Variants in HMBOX1 observed in about 807,000 individuals in gnomAD.
The protein encoded by HMBOX1 is homeobox-containing protein 1.
In HMBOX1, 14 loss-of-function variants were observed where a neutral mutation model predicts 54.5. The ratio of observed to expected loss-of-function variants is 0.26; its 90% CI spans 0.17 to 0.40. HMBOX1 has a LOEUF of 0.40. Among genes scored for constraint, HMBOX1 ranks in the 10% least tolerant of loss-of-function variants. The probability of loss-of-function intolerance (pLI) is 1.00; values close to 1 mark genes in which losing one functional copy is unlikely to be tolerated. For synonymous variants in HMBOX1, 160 were observed against 181.0 expected (o/e 0.88, Z 0.93); for missense variants, 332 against 514.4 (o/e 0.65, Z 3.43).
intron 5 of HMBOX1, among the ~76,000 whole-genome samples, chr8:29,017,733 A>G (rs1835245772): frequency 6.6e-6 from 1 of 152,212 alleles, no homozygotes; most frequent in African/African-American, 2.4e-5. Context: ...GTGTAAGAGA[A>G]TACATCTAAA....
chr8:29,024,474 C>G (rs776196637), intron 6 of HMBOX1, among the ~76,000 whole-genome samples: 1 of 151,940 alleles, frequency 6.6e-6, no homozygotes, highest in South Asian at 2.1e-4. Context: ...TAGATAATAG[C>G]GGTAGGAGTG....
At chr8:28,954,709 A>G (rs866325031) in intron 1 of HMBOX1, among the ~76,000 whole-genome samples, 1 of 152,196 alleles carries the variant, frequency 6.6e-6, no homozygotes, top group Admixed American at 6.5e-5. Context: ...TGTCACAACA[A>G]TTATACTGCT....
rs144531379 is a variant in HMBOX1 at position 28,991,272 on chromosome 8, C to T, written c.586+11116C>T. Among the ~76,000 whole-genome samples, 36 of 152,314 alleles carry T rather than the reference C, an allele frequency of 2.4e-4. 1 individual carries two copies. The highest frequency in any genetic ancestry group is 8.2e-4 in the African/African-American group (34 of 41,574). ...CAGCACTTTTCTACATGATTTTACT[C>T]ATGGCAGGAATATTTTTCTCTTGCC... On this transcript the variant is annotated intron_variant, in intron 4 of 9. Coordinates refer to ENST00000287701, the MANE Select transcript of HMBOX1 (RefSeq NM_001135726.3).
At chr8:28,913,280 A>G (rs1185048626) in intron 1 of HMBOX1, among the ~76,000 whole-genome samples, 1 of 152,148 alleles carries the variant, frequency 6.6e-6, no homozygotes, top group Non-Finnish European at 1.5e-5. Flanking sequence ...TCTCCAACAT[A>G]TTTGCACTCA....
chr8:29,035,655 C>T (rs1012800334), intron 6 of HMBOX1, among the ~76,000 whole-genome samples: 3 of 152,238 alleles, frequency 2.0e-5, no homozygotes, highest in Non-Finnish European at 4.4e-5. Flanking sequence ...TTGTCACTCA[C>T]ATTTGGTCGT....
rs780535113 is a variant in HMBOX1 at position 28,970,534 on chromosome 8, T to G, written c.500+15T>G. On this transcript the variant is annotated intron_variant, in intron 3 of 9. Transcript: ENST00000287701. The surrounding 1 kb of genome is among the most constrained non-coding windows in gnomAD (Gnocchi z 4.3). ...GAATTAATGAGGTTAGTGACTTTGCTTATTCAGAGTCCCTAAAAATGTCTG... is the reference window on the plus strand; with the variant it reads ...GAATTAATGAGGTTAGTGACTTTGCGTATTCAGAGTCCCTAAAAATGTCTG... 72 of 1,476,062 alleles carry G rather than the reference T, an allele frequency of 4.9e-5. No individual in the cohort carries two copies. The highest frequency in any genetic ancestry group is 6.5e-5 in the Non-Finnish European group (70 of 1,084,556). The allele number at this position is 1,476,062 out of a possible 1,614,324, so 91.4% of individuals were successfully genotyped here.
chr8:28,929,448 G>A (rs1819091375), intron 1 of HMBOX1, among the ~76,000 whole-genome samples: 1 of 152,118 alleles, frequency 6.6e-6, no homozygotes, highest in South Asian at 2.1e-4. Context: ...CAGTGGTGAT[G>A]GCTATTGATA....
chr8:28,988,536 A>G (rs1830486498), intron 4 of HMBOX1, among the ~76,000 whole-genome samples: 1 of 152,178 alleles, frequency 6.6e-6, no homozygotes, highest in Admixed American at 6.5e-5. Flanking sequence ...CCACCATTTT[A>G]TCTTCCCACC....
At chr8:28,897,917 G>A (rs1389257712) in intron 1 of HMBOX1, among the ~76,000 whole-genome samples, 1 of 152,126 alleles carries the variant, frequency 6.6e-6, no homozygotes, top group East Asian at 1.9e-4. Flanking sequence ...TTAGTTCAAA[G>A]ATATTTTCAG....
intron 6 of HMBOX1, among the ~76,000 whole-genome samples, chr8:29,022,662 C>A (rs1006722996): frequency 1.8e-4 from 28 of 151,860 alleles, no homozygotes; most frequent in African/African-American, 6.5e-4. Context: ...TAAAACAAGG[C>A]AGAATCAACT....
chr8:28,963,748 A>C (rs184681942), intron 1 of HMBOX1, 63 bp from the exon 2 acceptor site: 45 of 705,428 alleles, frequency 6.4e-5, no homozygotes, highest in Non-Finnish European at 1.0e-4. Flanking sequence ...TTACATAATT[A>C]AAATTTTTAT....
At chr8:29,041,047 T>A (rs1381515506) in intron 6 of HMBOX1, among the ~76,000 whole-genome samples, 2 of 152,198 alleles carry the variant, frequency 1.3e-5, no homozygotes, top group African/African-American at 4.8e-5. Context: ...AGAATTGTAT[T>A]GATCATTAAA....
chr8:29,044,680 T>C (rs1805320765), intron 6 of HMBOX1, among the ~76,000 whole-genome samples: 1 of 152,224 alleles, frequency 6.6e-6, no homozygotes, highest in African/African-American at 2.4e-5. Context: ...ATTTTCATAT[T>C]ATTATTGGTA....
At position 28,906,033 on chromosome 8, in the gene HMBOX1, A is replaced by T. The variant is rs75899741; in HGVS notation, c.-58+15355A>T. 1.7e-4 allele frequency among the ~76,000 whole-genome samples: 26 copies of T among 152,264 alleles called. No individual in the cohort carries two copies. The East Asian group carries it at 3.1e-3, about 18-fold the overall frequency. On this transcript the variant is annotated intron_variant, in intron 1 of 9. Coordinates refer to ENST00000287701, the MANE Select transcript of HMBOX1 (RefSeq NM_001135726.3). ...GCTGACTCATTGCCTAATAAAAGTG[A>T]TGTTATTTAGAATTTAATCAGAGAT...
intron 1 of HMBOX1, among the ~76,000 whole-genome samples, chr8:28,927,797 T>C (rs1372764369): frequency 1.4e-5 from 2 of 147,762 alleles, no homozygotes; most frequent in Non-Finnish European, 3.0e-5. Context: ...GTTGGGAGTT[T>C]TGTTGCATGG....
At chr8:29,013,392 C>T (rs764082912) in intron 5 of HMBOX1, among the ~76,000 whole-genome samples, 2 of 152,222 alleles carry the variant, frequency 1.3e-5, no homozygotes, top group Non-Finnish European at 2.9e-5. Flanking sequence ...CCTCGGCTTT[C>T]CAAAGTGCTG....
intron 1 of HMBOX1, among the ~76,000 whole-genome samples, chr8:28,946,786 A>T (rs993819720): frequency 6.6e-6 from 1 of 152,226 alleles, no homozygotes; most frequent in Non-Finnish European, 1.5e-5. Context: ...ATAAATCCAT[A>T]GTACAATGGG....
intron 1 of HMBOX1, among the ~76,000 whole-genome samples, chr8:28,954,824 G>A (rs1259572788): frequency 6.6e-6 from 1 of 152,128 alleles, no homozygotes; most frequent in African/African-American, 2.4e-5. Context: ...AGGACTTTGG[G>A]GTGGGAGACC....
Position 28,968,944 on chromosome 8 carries a change from C to T in HMBOX1, c.24-1099C>T, listed in dbSNP as rs1040756866. 1.1e-4 allele frequency among the ~76,000 whole-genome samples: 17 copies of T among 152,098 alleles called. 1 individual carries two copies. Among genetic ancestry groups the T allele is most frequent in the South Asian group, 6.2e-4 (3 of 4,826 alleles). On this transcript the variant is annotated intron_variant, in intron 2 of 9. Coordinates refer to ENST00000287701, the MANE Select transcript of HMBOX1 (RefSeq NM_001135726.3). ...ATCCCAGCACTTTGGGAGGCCGAGGCGGGCGAATCACCTGAGGTCAGGAGT... is the reference window on the plus strand; with the variant it reads ...ATCCCAGCACTTTGGGAGGCCGAGGTGGGCGAATCACCTGAGGTCAGGAGT...
Sources: allele counts gnomAD v4.1 joint callset (sites outside exome capture counted in the v4.1 genomes callset), GRCh38; gene constraint gnomAD v4.1.1; non-coding constraint Gnocchi (gnomAD v3.1); transcripts MANE v1.5; gene names NCBI Gene and HGNC (gene_info 2026-07-23, HGNC 2026-07-21).